The following MAD1L1 variants were observed in gnomAD, a reference collection of about 807,000 sequenced individuals.
MAD1L1 encodes mitotic arrest deficient 1 like 1.
In MAD1L1, 95 loss-of-function variants were observed where a neutral mutation model predicts 96.9. That is an observed-to-expected ratio of 0.98 (90% CI 0.83 to 1.16). MAD1L1 has a LOEUF of 1.16. MAD1L1 is among the 50% of genes most tolerant of loss of function. The pLI is 0.00. For missense variants in MAD1L1, 1,007 were observed against 954.4 expected (o/e 1.06, Z -0.73); for synonymous variants, 473 against 396.6 (o/e 1.19, Z -2.29).
chr7:2,063,903 G>C (rs1784769115), intron 12 of MAD1L1, among the ~76,000 whole-genome samples: 1 of 152,222 alleles, frequency 6.6e-6, no homozygotes, highest in Admixed American at 6.5e-5. Flanking sequence ...GAGGAGAAGA[G>C]ACACAGTCAG....
chr7:2,228,975 C>T (rs897594025), intron 3 of MAD1L1, among the ~76,000 whole-genome samples: 13 of 152,098 alleles, frequency 8.5e-5, no homozygotes, highest in African/African-American at 2.9e-4. Flanking sequence ...CCTCATGATC[C>T]GCCCACCTCA....
At chr7:1,910,457 G>T (rs752701685) in intron 17 of MAD1L1, among the ~76,000 whole-genome samples, 2 of 152,244 alleles carry the variant, frequency 1.3e-5, no homozygotes, top group African/African-American at 4.8e-5. Flanking sequence ...TGCGATGCCA[G>T]CACTGTTGAG....
chr7:1,984,394 T>C (rs1781053813), intron 14 of MAD1L1, among the ~76,000 whole-genome samples: 1 of 152,250 alleles, frequency 6.6e-6, no homozygotes, highest in Non-Finnish European at 1.5e-5. Flanking sequence ...CATGAGTATA[T>C]TCTCTAATTT....
chr7:2,206,304 T>C (rs1166805512), intron 10 of MAD1L1, among the ~76,000 whole-genome samples: 4 of 152,232 alleles, frequency 2.6e-5, no homozygotes, highest in African/African-American at 9.7e-5. Context: ...GCCTTTTCAC[T>C]GTATCTTTTG....
At chr7:1,887,807 C>T (rs1786190204) in intron 18 of MAD1L1, among the ~76,000 whole-genome samples, 1 of 80,914 alleles carries the variant, frequency 1.2e-5, no homozygotes, top group Non-Finnish European at 2.6e-5. Context: ...ATGTGGCTGC[C>T]TGTGTGTGTG....
chr7:1,859,897 C>T (rs1179538564), intron 18 of MAD1L1, among the ~76,000 whole-genome samples: 1 of 150,598 alleles, frequency 6.6e-6, no homozygotes, highest in African/African-American at 2.5e-5. Flanking sequence ...GGGGCTGCCT[C>T]TGTCTCCCTA....
At chr7:2,004,197 C>A (rs937488434) in intron 13 of MAD1L1, among the ~76,000 whole-genome samples, 2 of 152,184 alleles carry the variant, frequency 1.3e-5, no homozygotes, top group Non-Finnish European at 2.9e-5. Flanking sequence ...ACAGGGGGGA[C>A]GACAACAAGG....
At chr7:1,910,230 G>A (rs1787928640) in intron 17 of MAD1L1, among the ~76,000 whole-genome samples, 1 of 152,150 alleles carries the variant, frequency 6.6e-6, no homozygotes, top group Admixed American at 6.5e-5. Context: ...TTCGGCAGCA[G>A]AGGCCCAGCG....
chr7:1,979,907 G>C (rs1389062070), intron 15 of MAD1L1, among the ~76,000 whole-genome samples: 1 of 152,224 alleles, frequency 6.6e-6, no homozygotes, highest in East Asian at 1.9e-4. Context: ...CAGGGACACT[G>C]AGAGACCCCT....
At chr7:2,166,915 G>A (rs553919810) in intron 10 of MAD1L1, among the ~76,000 whole-genome samples, 33 of 152,324 alleles carry the variant, frequency 2.2e-4, no homozygotes, top group Non-Finnish European at 4.3e-4. Context: ...GGCGCACTCC[G>A]CTCACAAAGC....
intron 10 of MAD1L1, among the ~76,000 whole-genome samples, chr7:2,188,162 A>G (rs190397683): frequency 2.6e-5 from 4 of 152,352 alleles, no homozygotes; most frequent in African/African-American, 9.6e-5. Context: ...CAAGAGACCA[A>G]TGAATTTTAG....
intron 10 of MAD1L1, among the ~76,000 whole-genome samples, chr7:2,168,822 G>A (rs1423124374): frequency 6.6e-6 from 1 of 152,230 alleles, no homozygotes. Flanking sequence ...GGGGCGTGGG[G>A]CCCAGAGGCC....
At chr7:1,900,198 A>G (rs1347267680) in intron 17 of MAD1L1, among the ~76,000 whole-genome samples, 1 of 152,204 alleles carries the variant, frequency 6.6e-6, no homozygotes, top group East Asian at 1.9e-4. Flanking sequence ...TCCACACACA[A>G]TGACACCCAG....
intron 16 of MAD1L1, among the ~76,000 whole-genome samples, chr7:1,952,665 C>T (rs914304968): frequency 1.3e-5 from 2 of 152,180 alleles, no homozygotes; most frequent in Non-Finnish European, 2.9e-5. Context: ...AGCTGCCCTC[C>T]CGTGATCCTG....
chr7:2,077,896 G>A (rs1785454336), intron 11 of MAD1L1, among the ~76,000 whole-genome samples: 1 of 152,228 alleles, frequency 6.6e-6, no homozygotes, highest in Non-Finnish European at 1.5e-5. Flanking sequence ...GCGCCCGTCG[G>A]GGAGCCTCGC....
At chr7:1,982,267 G>C (rs1286981493) in intron 14 of MAD1L1, among the ~76,000 whole-genome samples, 2 of 152,152 alleles carry the variant, frequency 1.3e-5, no homozygotes, top group East Asian at 1.9e-4. Flanking sequence ...CCAGGCTCGA[G>C]TGCAGTGGTG....
chr7:2,122,724 T>C (rs557880299), intron 11 of MAD1L1, among the ~76,000 whole-genome samples: 8 of 152,288 alleles, frequency 5.3e-5, no homozygotes, highest in Non-Finnish European at 8.8e-5. Flanking sequence ...AGCTGGCAAG[T>C]CAGCCCCAGT....
intron 17 of MAD1L1, among the ~76,000 whole-genome samples, chr7:1,916,462 C>A (rs1016125349): frequency 6.6e-6 from 1 of 152,058 alleles, no homozygotes; most frequent in Non-Finnish European, 1.5e-5. Context: ...CGTCATGGCA[C>A]GAGGCGGGGA....
intron 14 of MAD1L1, among the ~76,000 whole-genome samples, chr7:1,987,572 G>T (rs532143261): frequency 2.2e-4 from 34 of 152,274 alleles, no homozygotes; most frequent in African/African-American, 6.5e-4. Flanking sequence ...CATCGGGGAG[G>T]GGGGGAGAGG....
Sources: gnomAD v4.1 joint callset for allele counts (sites outside exome capture counted in the v4.1 genomes callset) on GRCh38, gnomAD v4.1.1 for gene constraint, MANE v1.5 for transcripts, NCBI Gene and HGNC (gene_info 2026-07-23, HGNC 2026-07-21) for gene names.